Variants in DNAH11 observed in about 807,000 individuals in gnomAD.
DNAH11 encodes the protein dynein axonemal heavy chain 11.
DNAH11 carries 442 observed loss-of-function variants against 526.0 expected under a neutral mutation model. That is an observed-to-expected ratio of 0.84 (90% confidence interval 0.78 to 0.91). DNAH11 has a LOEUF of 0.91. DNAH11 is among the 40% of genes least tolerant of loss of function. The pLI, the probability that DNAH11 is intolerant of heterozygous loss-of-function variation, is 0.00. For missense variants in DNAH11, 6,989 were observed against 5,448.7 expected, an observed-to-expected ratio of 1.28 and a Z score of -8.90; for synonymous variants, 2,461 against 1,935.9, an observed-to-expected ratio of 1.27 and a Z score of -7.12.
At chr7:21,774,314 A>G (rs1399948560) in intron 56 of DNAH11, among the ~76,000 whole-genome samples, 1 of 152,118 alleles carries the variant, frequency 6.6e-6, no homozygotes, top group African/African-American at 2.4e-5. Flanking sequence ...CTTGTCGTCA[A>G]GGTTCTTATC....
chr7:21,689,061 A>G (rs982642829), intron 34 of DNAH11, among the ~76,000 whole-genome samples: 1 of 152,184 alleles, frequency 6.6e-6, no homozygotes, highest in Non-Finnish European at 1.5e-5. Flanking sequence ...GGATATTTCT[A>G]CATTCTAGAA....
chr7:21,655,753 C>G (rs1374662827), intron 28 of DNAH11, 79 bp from the exon 29 acceptor site: 1 of 1,406,606 alleles, frequency 7.1e-7, no homozygotes, highest in Non-Finnish European at 9.8e-7. Context: ...TTCATGACTT[C>G]ATATGGCATC....
At position 21,762,704 on chromosome 7, in the gene DNAH11, A is replaced by G. The variant is rs535568266; in HGVS notation, c.8941-2724A>G. ...GCAACATTAAAAAATGTTAAACCAC[A>G]TGCAAAAAAATGAAATTGGACCTTG... On this transcript the variant is annotated intron_variant, in intron 54 of 81. Transcript: ENST00000409508. Among the ~76,000 whole-genome samples the G allele has an allele frequency of 5.3e-5, 8 of 152,334 alleles. No individual in the cohort carries two copies. The South Asian group carries it at 1.2e-3, about 24-fold the overall frequency.
chr7:21,816,596 C>G lies in DNAH11; in HGVS notation c.10462C>G (p.His3488Asp). The G allele has an allele frequency of 1.9e-6, 3 of 1,613,686 alleles. No homozygotes were observed. Among genetic ancestry groups the G allele is most frequent in the Non-Finnish European group, 2.5e-6 (3 of 1,179,808 alleles). The change falls in exon 64 of 82, where the codon CAC becomes GAC. Residue 3488 changes from histidine to aspartate, a missense_variant. Physicochemically the swap from His to Asp is moderately conservative, Grantham distance 81. Coordinates refer to ENST00000409508, the MANE Select transcript of DNAH11 (RefSeq NM_001277115.2). ...MSTENAAILT[H>D]CERWPLVIDP... ...CACCGAAAATGCCGCTATCCTAACA[C>G]ACTGTGAGCGCTGGCCTCTGGTGAT... is the stretch of plus-strand genomic sequence containing the variant.
rs1783446940 is a variant in DNAH11 at position 21,561,179 on chromosome 7, C to T, written c.982+9C>T. On this transcript the variant is annotated intron_variant, in intron 5 of 81. Transcript: ENST00000409508. ...TCTGGCTGTGGAAAATGGTAAGACTCTTGTTCCTCAGCCTGGCATCAATAT... is the reference window on the plus strand; with the variant it reads ...TCTGGCTGTGGAAAATGGTAAGACTTTTGTTCCTCAGCCTGGCATCAATAT... 1.3e-6 allele frequency: 2 copies of T among 1,567,598 alleles called. No individual in the cohort carries two copies. The highest frequency in any genetic ancestry group is 1.2e-5 in the South Asian group (1 of 85,956).
At chr7:21,859,711 T>C (rs1271418855) in intron 68 of DNAH11, among the ~76,000 whole-genome samples, 1 of 152,056 alleles carries the variant, frequency 6.6e-6, no homozygotes, top group Non-Finnish European at 1.5e-5. Flanking sequence ...GATGGCTATT[T>C]ATATATATAG....
intron 30 of DNAH11, among the ~76,000 whole-genome samples, chr7:21,666,231 C>G (rs1320255056): frequency 6.6e-6 from 1 of 151,940 alleles, no homozygotes; most frequent in Non-Finnish European, 1.5e-5. Context: ...GGCAAAAATA[C>G]TGCATTTTGA....
chr7:21,647,828 C>A (rs112957196), intron 28 of DNAH11, among the ~76,000 whole-genome samples: 5,304 of 152,058 alleles, frequency 0.035, 284 homozygotes, highest in African/African-American at 0.12. Context: ...AAAAGGATAG[C>A]AAAATAAAGA....
At chr7:21,667,223 C>A (rs1782456417) in intron 30 of DNAH11, among the ~76,000 whole-genome samples, 1 of 152,106 alleles carries the variant, frequency 6.6e-6, no homozygotes, top group African/African-American at 2.4e-5. Flanking sequence ...GTCCCCAGTA[C>A]AAAGCCCTGA....
At chr7:21,748,028 C>T (rs1786225512) in intron 51 of DNAH11, among the ~76,000 whole-genome samples, 4 of 152,102 alleles carry the variant, frequency 2.6e-5, no homozygotes, top group African/African-American at 2.4e-5. Context: ...TAAGAGAATC[C>T]AAAGTGTTAT....
chr7:21,620,071 A>G lies in DNAH11; in HGVS notation c.4493A>G (p.His1498Arg), dbSNP rs367779570. The change falls in exon 25 of 82, where the codon CAC (histidine) becomes CGC (arginine). Residue 1498 changes from histidine to arginine, a missense_variant. Coordinates refer to ENST00000409508, the MANE Select transcript of DNAH11 (RefSeq NM_001277115.2). Reference protein sequence around the residue: ...SDEQLFETLEHNQVQLQTLLQ... With the variant: ...SDEQLFETLERNQVQLQTLLQ... ...GAACAACTTTTTGAAACTCTAGAGC[A>G]CAACCAAGTAAGATGGATATTTTTA... is the stretch of plus-strand genomic sequence containing the variant. 15 of 1,582,222 alleles carry G rather than the reference A, an allele frequency of 9.5e-6. No homozygotes were observed. In the East Asian group the frequency reaches 1.1e-4, roughly 12 times the overall value.
At chr7:21,600,979 G>C in intron 16 of DNAH11, 31 bp from the exon 17 acceptor site, 1 of 1,610,632 alleles carries the variant, frequency 6.2e-7, no homozygotes, top group Non-Finnish European at 8.5e-7. Context: ...TTTTCACTGA[G>C]TTGTTCTAAT....
intron 32 of DNAH11, 133 bp from the exon 33 acceptor site, chr7:21,686,966 C>T: frequency 1.4e-6 from 1 of 729,786 alleles, no homozygotes; most frequent in East Asian, 3.0e-5. Context: ...ATGAACAAAT[C>T]AGAAGTATAT....
intron 25 of DNAH11, among the ~76,000 whole-genome samples, chr7:21,624,519 C>G (rs752174421): frequency 1.3e-5 from 2 of 152,186 alleles, no homozygotes; most frequent in Admixed American, 6.5e-5. Context: ...CACACTTTCA[C>G]TTCTTCCTTT....
At position 21,696,191 on chromosome 7, in the gene DNAH11, G is replaced by A. The variant is rs951475311; in HGVS notation, c.6042-1884G>A. Among the ~76,000 whole-genome samples the A allele has an allele frequency of 2.0e-5, 3 of 151,220 alleles. No individual in the cohort carries two copies. The South Asian group carries it at 6.3e-4, about 32-fold the overall frequency. ...TCTAAGAATGTCTACAGTTTTTAGT[G>A]TGATCTCTTTCCGTTCTTTCCAACT... On this transcript the variant is annotated intron_variant, in intron 35 of 81. Coordinates refer to ENST00000409508, the MANE Select transcript of DNAH11 (RefSeq NM_001277115.2).
intron 66 of DNAH11, among the ~76,000 whole-genome samples, chr7:21,848,978 T>G (rs1782523583): frequency 1.3e-5 from 2 of 152,132 alleles, no homozygotes. Flanking sequence ...CTCTGCCTCC[T>G]TGGTTCAAAC....
At chr7:21,679,107 G>C (rs185543078) in intron 30 of DNAH11, among the ~76,000 whole-genome samples, 2 of 152,192 alleles carry the variant, frequency 1.3e-5, no homozygotes, top group East Asian at 3.9e-4. Flanking sequence ...GGATGAATCT[G>C]AAGGGCATTA....
chr7:21,571,038 C>T (rs1783865918), intron 7 of DNAH11, among the ~76,000 whole-genome samples: 1 of 152,122 alleles, frequency 6.6e-6, no homozygotes, highest in African/African-American at 2.4e-5. Context: ...CTTAAATGAG[C>T]CTGAATGCCT....
intron 54 of DNAH11, 33 bp from the exon 55 acceptor site, chr7:21,765,395 G>A (rs374275679): frequency 5.6e-5 from 90 of 1,612,366 alleles, no homozygotes; most frequent in African/African-American, 8.0e-5. Context: ...TTCATCACCC[G>A]CCTGTTTCTG....
Sources: allele counts gnomAD v4.1 joint callset (sites outside exome capture counted in the v4.1 genomes callset), GRCh38; gene constraint gnomAD v4.1.1; transcripts MANE v1.5; gene names NCBI Gene and HGNC (gene_info 2026-07-23, HGNC 2026-07-21).